The following KCNH1 variants were observed in gnomAD, a reference collection of about 807,000 sequenced individuals.
The protein encoded by KCNH1 is potassium voltage-gated channel subfamily H member 1.
KCNH1 carries 27 observed loss-of-function variants against 69.2 expected under a neutral mutation model. The observed-to-expected ratio is 0.39, with a 90% confidence interval of 0.29 to 0.54. The LOEUF (loss-of-function observed/expected upper bound fraction) is 0.54. Ranked by LOEUF, KCNH1 falls within the 20% of genes least tolerant of loss-of-function variation. The pLI, the probability that KCNH1 is intolerant of heterozygous loss-of-function variation, is 0.68. For synonymous variants in KCNH1, 456 were observed against 487.7 expected (o/e 0.93, Z 0.86); for missense variants, 798 against 1,261.6 (o/e 0.63, Z 5.57).
rs138529249 is a variant in KCNH1 at position 210,728,094 on chromosome 1, G to A, written c.2113-43956C>T. Among the ~76,000 whole-genome samples the A allele has an allele frequency of 6.0e-3, 907 of 152,258 alleles. 7 individuals are homozygous for A. Among genetic ancestry groups the A allele is most frequent in the Middle Eastern group, 0.027 (8 of 294 alleles). ...AATATCTACTGAATCTTAATCTCTC[G>A]GGTTGTTATCAGAACCTACATTCTA... On this transcript the variant is annotated intron_variant, in intron 10 of 10. Transcript: ENST00000271751.
chr1:211,130,040 C>T (rs762637162), intron 1 of KCNH1, among the ~76,000 whole-genome samples: 16 of 152,176 alleles, frequency 1.1e-4, no homozygotes, highest in Non-Finnish European at 2.2e-4. Flanking sequence ...CTTTCTAAGA[C>T]AGATCTCCTA....
At chr1:210,861,189 C>A (rs1685971268) in intron 7 of KCNH1, 1 of 962,696 alleles carries the variant, frequency 1.0e-6, no homozygotes, top group South Asian at 1.3e-5. Flanking sequence ...AGTTCCTCAT[C>A]AGCATCTGTA....
chr1:210,989,474 T>C (rs912991821), intron 6 of KCNH1, among the ~76,000 whole-genome samples: 6 of 152,212 alleles, frequency 3.9e-5, no homozygotes, highest in Non-Finnish European at 8.8e-5. Flanking sequence ...CTGACATCTA[T>C]GTAGCCAGCC....
intron 1 of KCNH1, among the ~76,000 whole-genome samples, chr1:211,116,143 A>G (rs1303794835): frequency 1.3e-5 from 2 of 152,158 alleles, no homozygotes; most frequent in African/African-American, 4.8e-5. Flanking sequence ...CTCTATAAAA[A>G]CAAACGAATC....
chr1:210,956,361 C>A (rs976925378), intron 6 of KCNH1, among the ~76,000 whole-genome samples: 6 of 152,044 alleles, frequency 3.9e-5, no homozygotes, highest in South Asian at 2.1e-4. Context: ...GTCTAAAATT[C>A]TCTTTTTTTG....
chr1:210,955,187 G>A lies in KCNH1; in HGVS notation c.1033-35118C>T, dbSNP rs192354316. Among the ~76,000 whole-genome samples, 239 of 152,216 alleles carry A rather than the reference G, an allele frequency of 1.6e-3. 1 individual carries two copies. Among genetic ancestry groups the A allele is most frequent in the African/African-American group, 5.3e-3 (222 of 41,536 alleles). On this transcript the variant is annotated intron_variant, in intron 6 of 10. Coordinates refer to ENST00000271751, the MANE Select transcript of KCNH1 (RefSeq NM_172362.3). ...CTTTCCCCATTTCTTGTTTTTGTCA[G>A]GTATGTCAAAGATCAGATGGTTATA...
At chr1:210,906,746 C>T (rs188373576) in intron 7 of KCNH1, among the ~76,000 whole-genome samples, 90 of 152,274 alleles carry the variant, frequency 5.9e-4, no homozygotes, top group Non-Finnish European at 1.1e-3. Flanking sequence ...TCAGAAGCTC[C>T]CCCTGCAAGT....
At chr1:211,023,857 T>C (rs1048005062) in intron 5 of KCNH1, among the ~76,000 whole-genome samples, 2 of 152,102 alleles carry the variant, frequency 1.3e-5, no homozygotes, top group Non-Finnish European at 2.9e-5. Flanking sequence ...AAATTAGTAT[T>C]TGATAGGAGG....
intron 7 of KCNH1, among the ~76,000 whole-genome samples, chr1:210,882,077 T>C (rs982772905): frequency 6.6e-6 from 1 of 152,178 alleles, no homozygotes; most frequent in Non-Finnish European, 1.5e-5. Flanking sequence ...TTAACAAATA[T>C]ATCACTCAGG....
At position 210,683,866 on chromosome 1, in the gene KCNH1, G is replaced by A; in HGVS notation, c.2385C>T (p.Ala795=). Residue 795 remains alanine (A), a synonymous_variant, in exon 11 of 11, where the codon GCC becomes GCT. Transcript: ENST00000271751. This position sits in a 1 kb window ranked among gnomAD's most constrained non-coding sequence, Gnocchi z 5.7. ...AGGCTGCCTGGAAGGATACGGGCGT[G>A]GCAGGACTCTCACGCACGGTGACCA... ...ASVVTVRESP[A]TPVSFQAAST... is the part of the protein sequence containing the mutation. 6 of 1,614,128 alleles carry A rather than the reference G, an allele frequency of 3.7e-6. No individual in the cohort carries two copies. The highest frequency in any genetic ancestry group is 4.2e-6 in the Non-Finnish European group (5 of 1,180,028).
At position 210,683,067 on chromosome 1, in the gene KCNH1, C is replaced by T; in HGVS notation, c.*214G>A. 1.6e-6 allele frequency: 1 copy of T among 614,018 alleles called. No individual in the cohort carries two copies. The highest frequency in any genetic ancestry group is 2.9e-6 in the Non-Finnish European group (1 of 344,942). The allele number at this position is 614,018 out of a possible 1,614,324, so 38.0% of individuals were successfully genotyped here. A position where few individuals can be genotyped will look rare whatever the true frequency, so the allele number is the denominator to read the frequency against. ...CTTCCAAAATTGTGCAAAGACGGTT[C>T]AGATGCAGCTGCCACCTTGCAGGGT... On this transcript the variant is annotated 3_prime_UTR_variant, in exon 11 of 11. Transcript: ENST00000271751. This position sits in a 1 kb window ranked among gnomAD's most constrained non-coding sequence, Gnocchi z 5.7.
chr1:211,015,514 C>T (rs1031105451), intron 6 of KCNH1, among the ~76,000 whole-genome samples: 2 of 152,184 alleles, frequency 1.3e-5, no homozygotes, highest in East Asian at 1.9e-4. Flanking sequence ...GTTCCCACCC[C>T]CCACCTTGTT....
At chr1:210,949,089 G>C (rs1425219818) in intron 6 of KCNH1, among the ~76,000 whole-genome samples, 1 of 152,092 alleles carries the variant, frequency 6.6e-6, no homozygotes, top group Non-Finnish European at 1.5e-5. Flanking sequence ...GATATGTAAT[G>C]AACAATTTTT....
chr1:211,052,517 C>T (rs1335363337), intron 5 of KCNH1, among the ~76,000 whole-genome samples: 1 of 152,194 alleles, frequency 6.6e-6, no homozygotes, highest in Non-Finnish European at 1.5e-5. Flanking sequence ...CACAGATCCA[C>T]ATAGTGAGGA....
At chr1:211,096,870 A>G (rs1420733908) in intron 3 of KCNH1, among the ~76,000 whole-genome samples, 1 of 152,240 alleles carries the variant, frequency 6.6e-6, no homozygotes, top group Non-Finnish European at 1.5e-5. Context: ...ATAGTAATTA[A>G]GAGTCACTGG....
intron 2 of KCNH1, among the ~76,000 whole-genome samples, chr1:211,106,881 T>C (rs1044554776): frequency 6.6e-6 from 1 of 152,176 alleles, no homozygotes; most frequent in Non-Finnish European, 1.5e-5. Context: ...AAAATGCTCA[T>C]AAATTTTCAA....
At chr1:211,114,293 G>A (rs1473695395) in intron 1 of KCNH1, among the ~76,000 whole-genome samples, 1 of 152,132 alleles carries the variant, frequency 6.6e-6, no homozygotes, top group African/African-American at 2.4e-5. Context: ...GTGGGTAGAA[G>A]TGCAATCTGA....
chr1:210,897,130 C>T (rs992264340), intron 7 of KCNH1, among the ~76,000 whole-genome samples: 14 of 152,122 alleles, frequency 9.2e-5, no homozygotes, highest in African/African-American at 3.1e-4. Context: ...ACTAACTCCT[C>T]GATAACTCAA....
intron 10 of KCNH1, among the ~76,000 whole-genome samples, chr1:210,720,290 T>C (rs1682421370): frequency 6.6e-6 from 1 of 152,188 alleles, no homozygotes; most frequent in African/African-American, 2.4e-5. Flanking sequence ...AATTGAGGAC[T>C]TCATTGCATT....
Sources: allele counts gnomAD v4.1 joint callset (sites outside exome capture counted in the v4.1 genomes callset), GRCh38; gene constraint gnomAD v4.1.1; non-coding constraint Gnocchi (gnomAD v3.1); transcripts MANE v1.5; gene names NCBI Gene and HGNC (gene_info 2026-07-23, HGNC 2026-07-21).